ARHGAP32: variants seen among roughly 807,000 people sequenced by gnomAD.
The protein encoded by ARHGAP32 is Rho GTPase activating protein 32, also known as rho GTPase-activating protein 32.
A neutral mutation model predicts 186.5 loss-of-function variants in ARHGAP32; 51 were observed. That is an observed-to-expected ratio of 0.27 (90% CI 0.22 to 0.35). The LOEUF (loss-of-function observed/expected upper bound fraction) is 0.35, where lower values mean the gene tolerates loss of function less well. Among genes scored for constraint, ARHGAP32 ranks in the 10% least tolerant of loss-of-function variants. The pLI is 1.00. For missense variants in ARHGAP32, 2,186 were observed against 2,623.5 expected (o/e 0.83, Z 3.64); for synonymous variants, 950 against 964.3 (o/e 0.99, Z 0.27).
chr11:129,179,237 C>T (rs1326235964), intron 1 of ARHGAP32, among the ~76,000 whole-genome samples: 2 of 152,210 alleles, frequency 1.3e-5, no homozygotes, highest in Non-Finnish European at 2.9e-5. Flanking sequence ...ATCAAAACCA[C>T]AGTGAGATAC....
At chr11:129,165,991 T>C (rs372658178) in intron 1 of ARHGAP32, among the ~76,000 whole-genome samples, 2 of 151,982 alleles carry the variant, frequency 1.3e-5, no homozygotes, top group East Asian at 3.9e-4. Flanking sequence ...ATATGTTCAA[T>C]TGAATGAAAG....
rs899275794 is a variant in ARHGAP32, at chr11:129,123,265, G to A, written c.444+181C>T. Among the ~76,000 whole-genome samples, 6 of 151,758 alleles carry A rather than the reference G, an allele frequency of 4.0e-5. No homozygotes were observed. The highest frequency in any genetic ancestry group is 1.9e-4 in the East Asian group (1 of 5,168). On this transcript the variant is annotated intron_variant, in intron 5 of 22. Coordinates refer to ENST00000682385, the MANE Select transcript of ARHGAP32 (RefSeq NM_001378024.1). This position sits in a 1 kb window ranked among gnomAD's most constrained non-coding sequence, Gnocchi z 4.6. ...GTGATGGTTACTTTCATATGTCAAC[G>A]TGACATCAAGTATTTGTCAATAGAA... is the stretch of plus-strand genomic sequence containing the variant.
At chr11:129,216,024 G>C (rs1413976234) in intron 1 of ARHGAP32, among the ~76,000 whole-genome samples, 1 of 152,112 alleles carries the variant, frequency 6.6e-6, no homozygotes, top group African/African-American at 2.4e-5. Flanking sequence ...GGAACGACAG[G>C]AATGTCAGCA....
rs774825123 is a variant in ARHGAP32, at chr11:128,976,626, C to T, written c.2131G>A (p.Ala711Thr). ...TTAGCTGAACGGAGGGTTCCTTCTG[C>T]CCTGCCACCTGAAGAATAAAAAACA... is the stretch of plus-strand genomic sequence containing the variant. ...MKAMALKGGRAEGTLRSAKSE... is the reference protein window; with the variant it reads ...MKAMALKGGRTEGTLRSAKSE... Residue 711 changes from alanine (A) to threonine (T), a missense_variant, in exon 20 of 23, where the codon GCA becomes ACA. Ala to Thr is a moderately conservative substitution (Grantham distance 58). Around this residue, in one of 5 missense-constraint regions of ARHGAP32, gnomAD observed 263 missense variants for 323.5 expected, o/e 0.81. Coordinates refer to ENST00000682385, the MANE Select transcript of ARHGAP32 (RefSeq NM_001378024.1). 7.4e-6 allele frequency: 12 copies of T among 1,613,684 alleles called. No homozygotes were observed. The South Asian group carries it at 1.3e-4, about 18-fold the overall frequency.
At chr11:129,193,303 C>T (rs1255674717), upstream of ARHGAP32, among the ~76,000 whole-genome samples, 2 of 7,750 alleles carry the variant, frequency 2.6e-4, no homozygotes, top group African/African-American at 6.7e-4. Context: ...GAGACCTCAT[C>T]TTTATGGGGG....
At chr11:129,187,915 G>A (rs954952988) in intron 1 of ARHGAP32, among the ~76,000 whole-genome samples, 1 of 151,878 alleles carries the variant, frequency 6.6e-6, no homozygotes, top group Middle Eastern at 3.4e-3. Flanking sequence ...AGTTAATTGG[G>A]TTTTTTTGTT....
chr11:129,081,818 T>C (rs1319054919), intron 6 of ARHGAP32, among the ~76,000 whole-genome samples: 1 of 152,084 alleles, frequency 6.6e-6, no homozygotes, highest in East Asian at 1.9e-4. Flanking sequence ...ACTGTCGCTG[T>C]TCACCAATGA....
At chr11:129,120,151 A>G (rs752046614) in intron 5 of ARHGAP32, among the ~76,000 whole-genome samples, 4 of 152,104 alleles carry the variant, frequency 2.6e-5, no homozygotes, top group Non-Finnish European at 5.9e-5. Context: ...GCAGGTGGGC[A>G]TGGTTAGATC....
At chr11:129,080,186 T>G (rs564647513) in intron 6 of ARHGAP32, among the ~76,000 whole-genome samples, 1 of 151,974 alleles carries the variant, frequency 6.6e-6, no homozygotes, top group Non-Finnish European at 1.5e-5. Context: ...CAGCACTAAA[T>G]AGGTCATCAA....
At chr11:129,121,531 A>G (rs553587088) in intron 5 of ARHGAP32, among the ~76,000 whole-genome samples, 1 of 152,174 alleles carries the variant, frequency 6.6e-6, no homozygotes, top group South Asian at 2.1e-4. Flanking sequence ...GTGGACTGGC[A>G]AGGTGCAGCT....
intron 1 of ARHGAP32, among the ~76,000 whole-genome samples, chr11:129,254,139 C>T (rs567859196): frequency 6.6e-6 from 1 of 152,018 alleles, no homozygotes; most frequent in Non-Finnish European, 1.5e-5. Context: ...CCCCTACGCC[C>T]TTGTAACTCA....
At chr11:129,042,956 G>T (rs528004048) in intron 10 of ARHGAP32, among the ~76,000 whole-genome samples, 1 of 152,164 alleles carries the variant, frequency 6.6e-6, no homozygotes, top group African/African-American at 2.4e-5. Context: ...AAGCCATGAC[G>T]GATAGAATGT....
intron 11 of ARHGAP32, among the ~76,000 whole-genome samples, chr11:129,015,025 T>C (rs1938268148): frequency 6.6e-6 from 1 of 152,168 alleles, no homozygotes; most frequent in African/African-American, 2.4e-5. Flanking sequence ...GAAGAAAGAA[T>C]TTTTCTCTAG....
chr11:129,106,355 A>C (rs1942046593), intron 5 of ARHGAP32, among the ~76,000 whole-genome samples: 1 of 152,164 alleles, frequency 6.6e-6, no homozygotes, highest in Non-Finnish European at 1.5e-5. Context: ...AAAAAGAAAA[A>C]ACCACGTCCT....
intron 2 of ARHGAP32, among the ~76,000 whole-genome samples, chr11:129,158,446 A>G (rs1396065997): frequency 6.6e-6 from 1 of 152,034 alleles, no homozygotes; most frequent in Admixed American, 6.6e-5. Context: ...GATAAAACAG[A>G]CTGTAAACCA....
chr11:129,075,795 A>G (rs1394381373), intron 6 of ARHGAP32, among the ~76,000 whole-genome samples: 1 of 152,174 alleles, frequency 6.6e-6, no homozygotes, highest in African/African-American at 2.4e-5. Context: ...AACAGAATTC[A>G]TAATATGTCT....
At chr11:129,095,525 G>A (rs2135278853) in intron 5 of ARHGAP32, among the ~76,000 whole-genome samples, 1 of 152,296 alleles carries the variant, frequency 6.6e-6, no homozygotes, top group East Asian at 1.9e-4. Context: ...GAATGAACCT[G>A]TGAAGTATGG....
At chr11:129,233,093 A>G (rs1350588306) in intron 1 of ARHGAP32, among the ~76,000 whole-genome samples, 2 of 152,130 alleles carry the variant, frequency 1.3e-5, no homozygotes, top group Non-Finnish European at 2.9e-5. Flanking sequence ...TGCTATTTTT[A>G]TTGGAGTATA....
intron 1 of ARHGAP32, among the ~76,000 whole-genome samples, chr11:129,226,528 T>G (rs1428175147): frequency 2.0e-5 from 3 of 152,176 alleles, no homozygotes; most frequent in African/African-American, 7.2e-5. Flanking sequence ...TTTCCCCCTT[T>G]CTTCCCTCCA....
Sources: allele counts gnomAD v4.1 joint callset (sites outside exome capture counted in the v4.1 genomes callset), GRCh38; gene constraint gnomAD v4.1.1; regional missense constraint gnomAD v4.1.1; non-coding constraint Gnocchi (gnomAD v3.1); transcripts MANE v1.5; gene names NCBI Gene and HGNC (gene_info 2026-07-23, HGNC 2026-07-21).